Variants in LARGE1 observed in about 807,000 individuals in gnomAD.
The protein encoded by LARGE1 is xylosyl- and glucuronyltransferase LARGE1.
Under a neutral mutation model 87.6 loss-of-function variants are expected in LARGE1, and 43 were observed. The ratio of observed to expected loss-of-function variants is 0.49; its 90% CI spans 0.38 to 0.63. The LOEUF (loss-of-function observed/expected upper bound fraction) is 0.63, where lower values mean the gene tolerates loss of function less well. LARGE1 is among the 30% of genes least tolerant of loss of function. The pLI is 0.00. For synonymous variants in LARGE1, 434 were observed against 394.6 expected, an observed-to-expected ratio of 1.10 and a Z score of -1.18; for missense variants, 802 against 1,000.2, an observed-to-expected ratio of 0.80 and a Z score of 2.67.
At chr22:33,564,784 C>T (rs866564850) in intron 6 of LARGE1, 64 bp downstream of exon 6, 3 of 1,565,474 alleles carry the variant, frequency 1.9e-6, no homozygotes, top group Admixed American at 3.3e-5. Context: ...AAAAGTCAAC[C>T]CCTATTCTTG....
At chr22:33,326,177 G>C (rs558749709) in intron 10 of LARGE1, among the ~76,000 whole-genome samples, 58 of 152,302 alleles carry the variant, frequency 3.8e-4, no homozygotes, top group African/African-American at 1.4e-3. Flanking sequence ...GGACTGTTGA[G>C]TGAAGGTTCA....
chr22:33,151,085 G>C, the LARGE1 span, among the ~76,000 whole-genome samples: 2 of 152,130 alleles, frequency 1.3e-5, no homozygotes, highest in African/African-American at 4.8e-5. Context: ...ATTAGGCACA[G>C]TATGCTTCTC....
intron 6 of LARGE1, among the ~76,000 whole-genome samples, chr22:33,486,667 A>G (rs549074254): frequency 3.0e-4 from 46 of 152,328 alleles, no homozygotes; most frequent in African/African-American, 9.9e-4. Flanking sequence ...GAATTCATCT[A>G]AATCTTATTT....
intron 6 of LARGE1, among the ~76,000 whole-genome samples, chr22:33,546,968 G>A (rs1287816622): frequency 2.0e-5 from 3 of 152,324 alleles, no homozygotes; most frequent in African/African-American, 2.4e-5. Flanking sequence ...AAATCAACTC[G>A]TAATAGTGGA....
chr22:33,732,226 T>G (rs1481128822), intron 2 of LARGE1: 2 of 152,104 alleles, frequency 1.3e-5, no homozygotes, highest in Non-Finnish European at 2.9e-5. Context: ...GGAGCTGTGG[T>G]CTTCATTGCT....
intron 1 of LARGE1, among the ~76,000 whole-genome samples, chr22:33,839,524 G>A (rs1232296361): frequency 1.3e-5 from 2 of 152,134 alleles, no homozygotes; most frequent in African/African-American, 2.4e-5. Flanking sequence ...ACATATGTTG[G>A]AACAAACAAA....
chr22:33,337,763 C>T lies in LARGE1; in HGVS notation c.1170G>A (p.Lys390=), dbSNP rs1397764397. 6 of 1,614,194 alleles carry T rather than the reference C, an allele frequency of 3.7e-6. No individual in the cohort carries two copies. The highest frequency in any genetic ancestry group is 3.3e-5 in the South Asian group (3 of 91,078). ...HWNSPKKLRV[K]NKHVEFFRNL... The stretch of plus-strand genomic sequence containing the variant: ...TGCGAAAAAACTCCACATGCTTGTT[C>T]TTCACCCGGAGCTTCTTGGGGGAGT... Residue 390 remains lysine (K), a synonymous_variant, in exon 10 of 15, where the codon AAG becomes AAA. Transcript: ENST00000397394.
chr22:33,198,670 C>CAT (rs1924212064), intron 11 of LARGE1, among the ~76,000 whole-genome samples: 36 of 87,914 alleles, frequency 4.1e-4, no homozygotes, highest in Middle Eastern at 6.6e-3. Flanking sequence ...CACACACACA[C>CAT]ACACACGTAT....
intron 11 of LARGE1, among the ~76,000 whole-genome samples, chr22:33,313,576 T>A (rs1935836463): frequency 6.6e-6 from 1 of 152,044 alleles, no homozygotes; most frequent in African/African-American, 2.4e-5. Flanking sequence ...GACTCCAGGG[T>A]CATGGGCCAG....
chr22:33,121,147 G>A, the LARGE1 span, among the ~76,000 whole-genome samples: 1 of 152,116 alleles, frequency 6.6e-6, no homozygotes, highest in Non-Finnish European at 1.5e-5. Flanking sequence ...GAAGGATAAT[G>A]ACATCTAATT....
chr22:33,471,057 T>TCA (rs2068819520), intron 6 of LARGE1, among the ~76,000 whole-genome samples: 1 of 146,970 alleles, frequency 6.8e-6, no homozygotes, highest in African/African-American at 2.5e-5. Context: ...TGAGAGAGTC[T>TCA]CGCTTTGACT....
intron 6 of LARGE1, among the ~76,000 whole-genome samples, chr22:33,539,391 T>C (rs1030329761): frequency 3.9e-5 from 6 of 152,158 alleles, no homozygotes; most frequent in African/African-American, 1.4e-4. Context: ...GACTGGATGT[T>C]CTTTTATTAA....
At chr22:33,393,042 AC>A (rs1189701766) in intron 7 of LARGE1, among the ~76,000 whole-genome samples, 1 of 152,220 alleles carries the variant, frequency 6.6e-6, no homozygotes, top group Non-Finnish European at 1.5e-5. Context: ...CAGGAAGAAA[AC>A]AAATAATAAT....
intron 4 of LARGE1, among the ~76,000 whole-genome samples, chr22:33,607,920 G>A (rs2079312595): frequency 6.6e-6 from 1 of 152,156 alleles, no homozygotes; most frequent in South Asian, 2.1e-4. Flanking sequence ...CAGGGGAAAG[G>A]GGCATATTTT....
the LARGE1 span, among the ~76,000 whole-genome samples, chr22:33,146,230 G>T: frequency 6.6e-6 from 1 of 152,150 alleles, no homozygotes; most frequent in Middle Eastern, 3.2e-3. Context: ...GAGACAGAAG[G>T]TCAAAGATAG....
At chr22:33,542,991 C>G (rs919236511) in intron 6 of LARGE1, among the ~76,000 whole-genome samples, 1 of 152,206 alleles carries the variant, frequency 6.6e-6, no homozygotes, top group Non-Finnish European at 1.5e-5. Context: ...CTCATGACCT[C>G]TAAGATCCCT....
At chr22:33,815,076 G>A (rs1415493022) in intron 1 of LARGE1, among the ~76,000 whole-genome samples, 5 of 152,184 alleles carry the variant, frequency 3.3e-5, no homozygotes, top group Non-Finnish European at 7.3e-5. Flanking sequence ...TAAAGGAGGA[G>A]ATTTAATGAT....
intron 2 of LARGE1, among the ~76,000 whole-genome samples, chr22:33,745,175 A>G (rs2084034791): frequency 6.6e-6 from 1 of 152,212 alleles, no homozygotes; most frequent in Admixed American, 6.5e-5. Flanking sequence ...CTGTCACTGA[A>G]GCATCTGGAA....
At chr22:33,368,116 G>A (rs1483065536) in intron 9 of LARGE1, among the ~76,000 whole-genome samples, 1 of 152,182 alleles carries the variant, frequency 6.6e-6, no homozygotes, top group East Asian at 1.9e-4. Context: ...TAAGAAGGAT[G>A]TATACTCTCA....
Sources: gnomAD v4.1 joint callset for allele counts (sites outside exome capture counted in the v4.1 genomes callset) on GRCh38, gnomAD v4.1.1 for gene constraint, MANE v1.5 for transcripts, NCBI Gene and HGNC (gene_info 2026-07-23, HGNC 2026-07-21) for gene names.